The following SYT12 variants were observed in gnomAD, a reference collection of about 807,000 sequenced individuals.
The protein encoded by SYT12 is synaptotagmin-12.
Under a neutral mutation model 39.5 loss-of-function variants are expected in SYT12, and 27 were observed. That is an observed-to-expected ratio of 0.68 (90% CI 0.50 to 0.94). SYT12 has a LOEUF of 0.94. SYT12 is among the 40% of genes least tolerant of loss of function. SYT12 has a pLI of 0.00. For missense variants in SYT12, 536 were observed against 572.6 expected, an observed-to-expected ratio of 0.94 and a Z score of 0.65; for synonymous variants, 233 against 239.7, an observed-to-expected ratio of 0.97 and a Z score of 0.26.
chr11:67,042,821 G>A (rs941190070), intron 4 of SYT12, among the ~76,000 whole-genome samples: 2 of 152,064 alleles, frequency 1.3e-5, no homozygotes, highest in Non-Finnish European at 2.9e-5. Context: ...AGCACTGTGC[G>A]AGGAGCCTTC....
At chr11:67,028,263 TTAC>T (rs1950208601) in intron 1 of SYT12, 1 of 152,174 alleles carries the variant, frequency 6.6e-6, no homozygotes, top group Non-Finnish European at 1.5e-5. Context: ...AGGTTCTCTA[TTAC>T]TATCATTATC....
chr11:67,035,000 A>G (rs1486067939), intron 3 of SYT12, among the ~76,000 whole-genome samples, 162 bp downstream of exon 3: 1 of 139,318 alleles, frequency 7.2e-6, no homozygotes, highest in Non-Finnish European at 1.5e-5. Flanking sequence ...TCACATCTTC[A>G]ACTTTTTTTT....
rs767536054 is a variant in SYT12 at position 67,034,724 on chromosome 11, C to T, written c.114C>T (p.Ser38=). Residue 38 remains serine, a synonymous_variant, in exon 3 of 8, where the codon AGC becomes AGT. Transcript: ENST00000527043. ...CCCTGCTGGGAATCGCAGCTGTGAG[C>T]CTGTGGAAGCTCTGGACGTCGGGGA... ...ALALLGIAAV[S]LWKLWTSGSF... The T allele has an allele frequency of 1.3e-5, 21 of 1,602,624 alleles. No homozygotes were observed. The highest frequency in any genetic ancestry group is 3.5e-5 in the Admixed American group (2 of 57,340).
intron 3 of SYT12, among the ~76,000 whole-genome samples, chr11:67,038,315 T>C (rs1335025522): frequency 6.6e-6 from 1 of 151,898 alleles, no homozygotes; most frequent in Non-Finnish European, 1.5e-5. Context: ...TATAGGTGCA[T>C]GCCGCCACAC....
intron 4 of SYT12, among the ~76,000 whole-genome samples, chr11:67,042,744 G>T (rs1432913801): frequency 1.3e-5 from 2 of 152,196 alleles, no homozygotes; most frequent in Non-Finnish European, 2.9e-5. Context: ...AGGTCAGGAG[G>T]CCAGGTGGGC....
At chr11:67,032,192 C>T (rs1950281931) in intron 2 of SYT12, 1 of 152,214 alleles carries the variant, frequency 6.6e-6, no homozygotes, top group South Asian at 2.1e-4. Context: ...CTTAACAATG[C>T]CAGAAATGTG....
upstream of SYT12, among the ~76,000 whole-genome samples, chr11:67,019,163 G>C (rs1168450542): frequency 6.6e-6 from 1 of 151,986 alleles, no homozygotes; most frequent in Non-Finnish European, 1.5e-5. Context: ...CCAAGCGAAA[G>C]GGGTTTCCCC....
chr11:67,034,985 C>A, intron 3 of SYT12, 147 bp downstream of exon 3: 1 of 500,130 alleles, frequency 2.0e-6, no homozygotes, highest in South Asian at 5.0e-5. Context: ...CTCCCTCTTC[C>A]CCTTTCACAT....
chr11:67,032,067 C>G (rs916473041), intron 2 of SYT12: 1 of 152,262 alleles, frequency 6.6e-6, no homozygotes, highest in African/African-American at 2.4e-5. Flanking sequence ...CCGTCGTTAC[C>G]CATTCCTTCT....
chr11:67,016,653 TAGA>T (rs1367621770), intron 3 of SYT12, among the ~76,000 whole-genome samples: 2 of 152,230 alleles, frequency 1.3e-5, no homozygotes, highest in Non-Finnish European at 2.9e-5. Context: ...TCTGTGAGCC[TAGA>T]AGAAGTTGGC....
chr11:67,036,771 A>C (rs1950389645), intron 3 of SYT12, among the ~76,000 whole-genome samples: 1 of 79,606 alleles, frequency 1.3e-5, no homozygotes, highest in Non-Finnish European at 4.2e-5. Context: ...CCCTGTCTCT[A>C]CTAAAAAAAA....
At chr11:67,033,115 A>G (rs1359653261) in intron 2 of SYT12, among the ~76,000 whole-genome samples, 2 of 151,970 alleles carry the variant, frequency 1.3e-5, no homozygotes, top group Admixed American at 6.6e-5. Context: ...GGCAGCAGTG[A>G]TGAGGAACTC....
chr11:67,049,096 G>C lies in SYT12; in HGVS notation c.*339G>C, dbSNP rs77325998. The C allele has an allele frequency of 3.4e-3, 763 of 224,620 alleles. 4 individuals carry two copies. The highest frequency in any genetic ancestry group is 0.015 in the African/African-American group (695 of 45,008). The allele number at this position is 224,620 out of a possible 1,614,324, so 13.9% of individuals were successfully genotyped here. A position where few individuals can be genotyped will look rare whatever the true frequency, so the allele number is the denominator to read the frequency against. ...CCAGGCACTGTGCTAGGCACCAGCAGGGGTAACACGAAGAAGACCCGGCCC... is the reference window on the plus strand; with the variant it reads ...CCAGGCACTGTGCTAGGCACCAGCACGGGTAACACGAAGAAGACCCGGCCC... On this transcript the variant is annotated 3_prime_UTR_variant, in exon 8 of 8. Transcript: ENST00000527043.
intron 3 of SYT12, among the ~76,000 whole-genome samples, chr11:67,039,607 T>G (rs1384794365): frequency 6.6e-6 from 1 of 151,982 alleles, no homozygotes; most frequent in East Asian, 1.9e-4. Context: ...AGAGCAAAAC[T>G]CCATCTCAAA....
rs915756054 is a variant in SYT12 at position 67,048,928 on chromosome 11, G to A, written c.*171G>A. 30 of 746,636 alleles carry A rather than the reference G, an allele frequency of 4.0e-5. No homozygotes were observed. The highest frequency in any genetic ancestry group is 1.1e-4 in the African/African-American group (6 of 57,038). 46.3% of individuals were successfully genotyped at this position (746,636 alleles called of 1,614,324 possible). On this transcript the variant is annotated 3_prime_UTR_variant, in exon 8 of 8. Transcript: ENST00000527043. ...TCCAGATTGCAGCAGAGGAGTGGGC[G>A]TGGCTCTGTGTCCAGGGCCCCAGGG... is the stretch of plus-strand genomic sequence containing the variant.
chr11:67,016,038 C>T (rs1306283673), intron 3 of SYT12, among the ~76,000 whole-genome samples: 5 of 152,066 alleles, frequency 3.3e-5, no homozygotes, highest in Admixed American at 6.5e-5. Flanking sequence ...TCCAGCACTT[C>T]GGGAGGCTGG....
chr11:67,047,354 A>T (rs1854591236), intron 7 of SYT12, among the ~76,000 whole-genome samples: 1 of 129,502 alleles, frequency 7.7e-6, no homozygotes, highest in Admixed American at 8.6e-5. Flanking sequence ...TGCAACCTCC[A>T]CTTCCCAGGT....
At position 67,030,475 on chromosome 11, in the gene SYT12, G is replaced by A. The variant is rs1950244849; in HGVS notation, c.34+297G>A. 7.8e-6 allele frequency: 3 copies of A among 384,086 alleles called. No homozygotes were observed. The South Asian group carries it at 1.4e-4, about 18-fold the overall frequency. 23.8% of individuals were successfully genotyped at this position (384,086 alleles called of 1,614,324 possible). On this transcript the variant is annotated intron_variant, in intron 2 of 7. Transcript: ENST00000527043. The stretch of plus-strand genomic sequence containing the variant: ...CCTCATCCTGCTGCACCCTGGGGAT[G>A]AGCCTGTGACTCGGAATCCACTCAC...
intron 1 of SYT12, among the ~76,000 whole-genome samples, chr11:67,026,121 G>T (rs1285332282): frequency 6.6e-6 from 1 of 152,088 alleles, no homozygotes; most frequent in Non-Finnish European, 1.5e-5. Flanking sequence ...AGGCTTATGA[G>T]CAGGGATGCT....
Sources: allele counts gnomAD v4.1 joint callset (sites outside exome capture counted in the v4.1 genomes callset), GRCh38; gene constraint gnomAD v4.1.1; transcripts MANE v1.5; gene names NCBI Gene and HGNC (gene_info 2026-07-23, HGNC 2026-07-21).